The following FAM98A variants were observed in gnomAD, a reference collection of about 807,000 sequenced individuals.
The protein encoded by FAM98A is tRNA splicing ligase complex subunit 3A.
Under a neutral mutation model 62.9 loss-of-function variants are expected in FAM98A, and 25 were observed. That is an observed-to-expected ratio of 0.40 (90% CI 0.29 to 0.56). The LOEUF (loss-of-function observed/expected upper bound fraction) is 0.56. FAM98A is among the 20% of genes least tolerant of loss of function. The probability of loss-of-function intolerance (pLI) is 0.51; values close to 1 mark genes in which losing one functional copy is unlikely to be tolerated. For synonymous variants in FAM98A, 252 were observed against 228.6 expected, an observed-to-expected ratio of 1.10 and a Z score of -0.92; for missense variants, 653 against 640.7, an observed-to-expected ratio of 1.02 and a Z score of -0.21.
rs1465008802 is a variant in FAM98A at position 33,584,890 on chromosome 2, T to C, written c.1443A>G (p.Gly481=). The C allele has an allele frequency of 1.9e-6, 3 of 1,613,836 alleles. No homozygotes were observed. The highest frequency in any genetic ancestry group is 1.3e-5 in the African/African-American group (1 of 74,864). Residue 481 remains glycine (G), a synonymous_variant, in exon 8 of 8, where the codon GGA becomes GGG. Transcript: ENST00000238823. The stretch of plus-strand genomic sequence containing the variant: ...GGTGATAATTCTGGCTCCCTCTTCC[T>C]CCCCAGCCTCCTCCCTGGCCTGCAC... ...GGRAGQGGGW[G]GRGSQNYHQG... is the part of the protein sequence containing the mutation.
intron 3 of FAM98A, among the ~76,000 whole-genome samples, chr2:33,591,675 C>A (rs956521762): frequency 6.6e-6 from 1 of 152,110 alleles, no homozygotes; most frequent in African/African-American, 2.4e-5. Context: ...ATTATAAATG[C>A]TTACTCTCCT....
At chr2:33,588,108 T>C (rs569409380) in intron 4 of FAM98A, 12 of 539,218 alleles carry the variant, frequency 2.2e-5, no homozygotes, top group Middle Eastern at 6.0e-4. Flanking sequence ...AGTGTAAAGT[T>C]TCCTTTTTGA....
chr2:33,592,316 CT>C (rs2151145689), intron 2 of FAM98A, 102 bp from the exon 3 acceptor site: 1 of 1,003,750 alleles, frequency 1.0e-6, no homozygotes, highest in East Asian at 2.7e-5. Flanking sequence ...ATTTTCATAA[CT>C]TGAGTTTTTT....
Position 33,584,415 on chromosome 2 carries a change from C to T in FAM98A, c.*361G>A, listed in dbSNP as rs1301876636. ...AAATCTAAAAAAGTCTAGGTGAATC[C>T]TCATTTTCAAAACTGCATATTGAAA... is the stretch of plus-strand genomic sequence containing the variant. On this transcript the variant is annotated 3_prime_UTR_variant, in exon 8 of 8. Transcript: ENST00000238823. 9.5e-6 allele frequency: 2 copies of T among 211,572 alleles called. No individual in the cohort carries two copies. Among genetic ancestry groups the T allele is most frequent in the Non-Finnish European group, 1.9e-5 (2 of 105,704 alleles). 13.1% of individuals were successfully genotyped at this position (211,572 alleles called of 1,614,324 possible).
chr2:33,590,723 T>A (rs535091942), intron 3 of FAM98A, among the ~76,000 whole-genome samples: 8 of 152,300 alleles, frequency 5.3e-5, no homozygotes, highest in Admixed American at 3.3e-4. Flanking sequence ...AAGTCTAGAA[T>A]TATGACCCTG....
chr2:33,598,977 G>A (rs1437609653), intron 1 of FAM98A, among the ~76,000 whole-genome samples, 192 bp downstream of exon 1: 1 of 152,082 alleles, frequency 6.6e-6, no homozygotes, highest in Non-Finnish European at 1.5e-5. Flanking sequence ...AGGGGTGTTG[G>A]GATTGGAGGA....
intron 4 of FAM98A, chr2:33,588,057 T>A (rs1443084207): frequency 2.9e-5 from 11 of 381,490 alleles, no homozygotes; most frequent in South Asian, 4.8e-5. Flanking sequence ...GAAATCTTAA[T>A]CCTTTTTACA....
chr2:33,592,298 T>C, intron 2 of FAM98A, 84 bp from the exon 3 acceptor site: 1 of 1,114,488 alleles, frequency 9.0e-7, no homozygotes, highest in Non-Finnish European at 1.3e-6. Flanking sequence ...ATTGAAATTG[T>C]TAATAGGATT....
chr2:33,598,411 C>A (rs1194009061), intron 1 of FAM98A, among the ~76,000 whole-genome samples: 3 of 152,164 alleles, frequency 2.0e-5, no homozygotes, highest in African/African-American at 7.2e-5. Context: ...ATCTGGGTGA[C>A]CCAGTGAGAT....
At chr2:33,596,800 G>C (rs1677822459) in intron 1 of FAM98A, among the ~76,000 whole-genome samples, 1 of 149,900 alleles carries the variant, frequency 6.7e-6, no homozygotes, top group African/African-American at 2.5e-5. Context: ...GCTGAGGCAG[G>C]AGAATGGCTT....
At chr2:33,589,539 GC>G (rs1677627450) in intron 3 of FAM98A, 2 of 152,116 alleles carry the variant, frequency 1.3e-5, no homozygotes, top group Non-Finnish European at 2.9e-5. Flanking sequence ...AAAATGTAAT[GC>G]TAGAAGGACA....
chr2:33,594,230 T>A (rs1192041674), intron 2 of FAM98A, among the ~76,000 whole-genome samples: 1 of 152,080 alleles, frequency 6.6e-6, no homozygotes. Context: ...CTCTCCTTAA[T>A]AATTAGAACT....
At position 33,592,164 on chromosome 2, in the gene FAM98A, C is replaced by T. The variant is rs139300639; in HGVS notation, c.253G>A (p.Glu85Lys). 1.8e-5 allele frequency: 29 copies of T among 1,612,862 alleles called. No individual in the cohort carries two copies. The highest frequency in any genetic ancestry group is 2.4e-5 in the Non-Finnish European group (28 of 1,179,098). Residue 85 changes from glutamate (E) to lysine (K), a missense_variant, in exon 3 of 8, where the codon GAG becomes AAG. Glu to Lys is a moderately conservative substitution (Grantham distance 56). Transcript: ENST00000238823. ...FQLEVSGLLG[E>K]MNCPYLSLTS... is the part of the protein sequence containing the mutation. ...AGTGAAAGATACGGGCAGTTCATCT[C>T]CCCTAGTAGCCCACTCACCTCAAGC...
intron 6 of FAM98A, 126 bp downstream of exon 6, chr2:33,586,436 C>A: frequency 1.7e-6 from 1 of 596,046 alleles, no homozygotes; most frequent in Non-Finnish European, 3.0e-6. Flanking sequence ...CAATAACTCA[C>A]TAAGGAAAAA....
At position 33,599,182 on chromosome 2, in the gene FAM98A, A is replaced by G. The variant is rs1170009682; in HGVS notation, c.40T>C (p.Leu14=). 1.2e-6 allele frequency: 2 copies of G among 1,613,898 alleles called. No individual in the cohort carries two copies. The highest frequency in any genetic ancestry group is 1.7e-6 in the Non-Finnish European group (2 of 1,179,856). Residue 14 remains leucine, a synonymous_variant, in exon 1 of 8, where the codon TTG becomes CTG. Transcript: ENST00000238823. ...TGACAATCTTACCCTAGATCTTCCAACGACTCCAAGATGTCAGTCTCCATG... is the reference window on the plus strand; with the variant it reads ...TGACAATCTTACCCTAGATCTTCCAGCGACTCCAAGATGTCAGTCTCCATG... ...DLMETDILES[L]EDLGYKGPLL...
At chr2:33,590,058 G>C (rs1055448437) in intron 3 of FAM98A, among the ~76,000 whole-genome samples, 1 of 152,064 alleles carries the variant, frequency 6.6e-6, no homozygotes, top group East Asian at 1.9e-4. Flanking sequence ...TATGTTCAAA[G>C]CACTGGGAAA....
chr2:33,587,313 T>C lies in FAM98A; in HGVS notation c.530A>G (p.Glu177Gly). The change falls in exon 5 of 8, where the codon GAA becomes GGA. Residue 177 changes from glutamate to glycine, a missense_variant. Physicochemically the swap from Glu to Gly is moderately conservative, Grantham distance 98. Coordinates refer to ENST00000238823, the MANE Select transcript of FAM98A (RefSeq NM_015475.5). ...FFSGIEKKLK[E>G]TLAKVPPNHV... Reference sequence around the variant, plus strand: ...ATTAGGTGGAACTTTTGCTAATGTTTCCTTTAACTGACACAAAAACATAAA... The same window carrying C: ...ATTAGGTGGAACTTTTGCTAATGTTCCCTTTAACTGACACAAAAACATAAA... 6.2e-7 allele frequency: 1 copy of C among 1,611,734 alleles called. No individual in the cohort carries two copies. Among genetic ancestry groups the C allele is most frequent in the South Asian group, 1.1e-5 (1 of 91,052 alleles).
rs200115569 is a variant in FAM98A at position 33,588,442 on chromosome 2, C to T, written c.415G>A (p.Gly139Ser). 117 of 1,613,518 alleles carry T rather than the reference C, an allele frequency of 7.3e-5. No homozygotes were observed. Among genetic ancestry groups the T allele is most frequent in the Admixed American group, 1.2e-4 (7 of 59,992 alleles). The change falls in exon 4 of 8, where the codon GGT becomes AGT. Residue 139 changes from glycine to serine, a missense_variant. Transcript: ENST00000238823. ...APPKKAQEGG[G>S]SEVFQELKGI... ...TTCAACTCTTGAAAGACCTCACTAC[C>T]GCCTCCTTCTTGAGCTTTTTTTGGA...
At position 33,585,275 on chromosome 2, in the gene FAM98A, C is replaced by A. The variant is rs779087807; in HGVS notation, c.1058G>T (p.Gly353Val). 3 of 1,613,924 alleles carry A rather than the reference C, an allele frequency of 1.9e-6. No individual in the cohort carries two copies. Among genetic ancestry groups the A allele is most frequent in the Non-Finnish European group, 2.5e-6 (3 of 1,180,004 alleles). ...YEHSSYGGRG[G>V]HEQGGGRGGR... ...ACCTCTCCCGCCTCCTTGTTCATGA[C>A]CTCCTCGTCCTCCGTATGAGGAATG... Residue 353 changes from glycine (G) to valine (V), a missense_variant, in exon 8 of 8, where the codon GGT becomes GTT. Physicochemically the swap from Gly to Val is moderately radical, Grantham distance 109 (BLOSUM62 -3). Transcript: ENST00000238823.
Sources: allele counts gnomAD v4.1 joint callset (sites outside exome capture counted in the v4.1 genomes callset), GRCh38; gene constraint gnomAD v4.1.1; transcripts MANE v1.5; gene names NCBI Gene and HGNC (gene_info 2026-07-23, HGNC 2026-07-21).